The following TNS3 variants were observed in gnomAD, a reference collection of about 807,000 sequenced individuals.
TNS3 encodes the protein tensin 3.
Under a neutral mutation model 140.9 loss-of-function variants are expected in TNS3, and 45 were observed. That is an observed-to-expected ratio of 0.32 (90% CI 0.25 to 0.41). The LOEUF (loss-of-function observed/expected upper bound fraction) is 0.41. Among genes scored for constraint, TNS3 ranks in the 10% least tolerant of loss-of-function variants. TNS3 has a pLI of 1.00. For synonymous variants in TNS3, 815 were observed against 788.4 expected, an observed-to-expected ratio of 1.03 and a Z score of -0.56; for missense variants, 1,716 against 1,906.7, an observed-to-expected ratio of 0.90 and a Z score of 1.86.
chr7:47,491,128 T>C (rs1797798971), intron 3 of TNS3, among the ~76,000 whole-genome samples: 1 of 152,186 alleles, frequency 6.6e-6, no homozygotes, highest in Non-Finnish European at 1.5e-5. Context: ...CACTAGCCAG[T>C]GGGCAGAGAG....
At chr7:47,498,146 C>T (rs954655386) in intron 3 of TNS3, among the ~76,000 whole-genome samples, 8 of 152,192 alleles carry the variant, frequency 5.3e-5, no homozygotes, top group Admixed American at 1.3e-4. Context: ...TAGAACTGGT[C>T]AAAAGACACA....
intron 1 of TNS3, among the ~76,000 whole-genome samples, chr7:47,531,512 A>C (rs1008771989): frequency 7.2e-5 from 11 of 152,262 alleles, no homozygotes; most frequent in Admixed American, 7.2e-4. Context: ...GATGAAGAGC[A>C]CCAGAAATGC....
chr7:47,371,904 C>A (rs925169805), intron 16 of TNS3, among the ~76,000 whole-genome samples: 1 of 152,176 alleles, frequency 6.6e-6, no homozygotes, highest in African/African-American at 2.4e-5. Flanking sequence ...TCAGCTTCCC[C>A]GCTATAAAAT....
rs753163321 is a variant in TNS3, at chr7:47,303,128, G to A, written c.3279C>T (p.Pro1093=). 36 of 1,613,826 alleles carry A rather than the reference G, an allele frequency of 2.2e-5. No homozygotes were observed. The highest frequency in any genetic ancestry group is 2.0e-4 in the Admixed American group (12 of 60,008). Residue 1093 remains proline (P), a synonymous_variant, in exon 22 of 31, where the codon CCC becomes CCT. Coordinates refer to ENST00000311160, the MANE Select transcript of TNS3 (RefSeq NM_022748.12). ...TCTTCTCAGGGAGGGGTGGCTGCCCGGGCAGGGTCACACCCTGGCCCTGCA... is the reference window on the plus strand; with the variant it reads ...TCTTCTCAGGGAGGGGTGGCTGCCCAGGCAGGGTCACACCCTGGCCCTGCA... ...PGLQGQGVTL[P]GQPPLPEKKR...
At chr7:47,353,992 A>AACAC (rs10598998) in intron 17 of TNS3, among the ~76,000 whole-genome samples, 4,613 of 143,416 alleles carry the variant, frequency 0.032, 84 homozygotes, top group Admixed American at 0.058. Flanking sequence ...CAGAGGACAA[A>AACAC]ACACACACAC....
At chr7:47,418,970 C>G (rs1299659630) in intron 10 of TNS3, among the ~76,000 whole-genome samples, 3 of 152,268 alleles carry the variant, frequency 2.0e-5, no homozygotes, top group African/African-American at 7.2e-5. Flanking sequence ...CTCACAGAGT[C>G]AGCCATGGCT....
intron 1 of TNS3, among the ~76,000 whole-genome samples, chr7:47,558,162 C>T (rs1800246589): frequency 1.3e-5 from 2 of 152,074 alleles, no homozygotes; most frequent in South Asian, 2.1e-4. Context: ...TGAGGGAGCC[C>T]GATTCTAGCA....
At chr7:47,395,956 A>G (rs1206787812) in intron 16 of TNS3, among the ~76,000 whole-genome samples, 1 of 151,890 alleles carries the variant, frequency 6.6e-6, no homozygotes, top group African/African-American at 2.4e-5. Flanking sequence ...AACCACAGAC[A>G]CCCCCTTCCT....
In TNS3 at chr7:47,481,150, G is replaced by T. The variant is rs1218390009; in HGVS notation, c.-114-9C>A. Reference sequence around the variant, plus strand: ...CCGCAGGGAATCACCACCTTTCAAAGAGAGAAGAAACAGATAAGCAAATGG... The same window carrying T: ...CCGCAGGGAATCACCACCTTTCAAATAGAGAAGAAACAGATAAGCAAATGG... On this transcript the variant is annotated splice_polypyrimidine_tract_variant and intron_variant, in intron 3 of 30. Transcript: ENST00000311160. The T allele has an allele frequency of 2.3e-6, 3 of 1,289,728 alleles. No homozygotes were observed. Among genetic ancestry groups the T allele is most frequent in the Admixed American group, 4.6e-5 (2 of 43,554 alleles). 79.9% of individuals were successfully genotyped at this position (1,289,728 alleles called of 1,614,324 possible). A position where few individuals can be genotyped will look rare whatever the true frequency, so the allele number is the denominator to read the frequency against.
chr7:47,305,195 T>C (rs1786675713), intron 20 of TNS3, among the ~76,000 whole-genome samples, 192 bp from the exon 21 acceptor site: 1 of 152,230 alleles, frequency 6.6e-6, no homozygotes. Context: ...CCCACAAGCA[T>C]GGGTTTATTC....
At chr7:47,555,190 C>G (rs1368371096) in intron 1 of TNS3, among the ~76,000 whole-genome samples, 1 of 151,976 alleles carries the variant, frequency 6.6e-6, no homozygotes, top group African/African-American at 2.4e-5. Flanking sequence ...CACCTGAGGT[C>G]AGGAGTTCCA....
chr7:47,467,888 T>A (rs540362268), intron 4 of TNS3, among the ~76,000 whole-genome samples: 1 of 152,212 alleles, frequency 6.6e-6, no homozygotes, highest in Non-Finnish European at 1.5e-5. Flanking sequence ...TGGATGTAGG[T>A]TGGAGATGTT....
chr7:47,400,756 A>G, intron 14 of TNS3, 29 bp downstream of exon 14: 1 of 1,610,394 alleles, frequency 6.2e-7, no homozygotes, highest in Admixed American at 1.7e-5. Context: ...GCTGCCCACA[A>G]GCACAGGGCC....
chr7:47,495,813 A>C (rs1176692510), intron 3 of TNS3, among the ~76,000 whole-genome samples: 2 of 152,232 alleles, frequency 1.3e-5, no homozygotes, highest in Non-Finnish European at 2.9e-5. Context: ...TGGTGTCTAA[A>C]CATTGAAAGA....
At chr7:47,397,020 CCA>C in intron 15 of TNS3, 116 bp from the exon 16 acceptor site, 3 of 707,260 alleles carry the variant, frequency 4.2e-6, no homozygotes, top group Non-Finnish European at 7.5e-6. Context: ...AGAAGCCTCT[CCA>C]TCCTCCACCC....
chr7:47,470,498 C>T (rs1796905963), intron 4 of TNS3: 1 of 985,338 alleles, frequency 1.0e-6, no homozygotes, highest in African/African-American at 1.7e-5. Flanking sequence ...AGCATTCATT[C>T]ATTCGAAACA....
chr7:47,381,426 G>C (rs1234645950), intron 16 of TNS3, among the ~76,000 whole-genome samples: 1 of 152,178 alleles, frequency 6.6e-6, no homozygotes, highest in Non-Finnish European at 1.5e-5. Flanking sequence ...ACGTAGGTGG[G>C]CTTCAGACAG....
chr7:47,400,917 G>A lies in TNS3; in HGVS notation c.724-3C>T. 6.2e-7 allele frequency: 1 copy of A among 1,614,120 alleles called. No homozygotes were observed. Among genetic ancestry groups the A allele is most frequent in the Non-Finnish European group, 8.5e-7 (1 of 1,179,966 alleles). On this transcript the variant is annotated splice_region_variant and splice_polypyrimidine_tract_variant and intron_variant, in intron 13 of 30. Transcript: ENST00000311160. Reference sequence around the variant, plus strand: ...TATTTCTTGTGGTAGCATTTCACCTGGGTTAGAGAGACAAAACAAAACAAA... The same window carrying A: ...TATTTCTTGTGGTAGCATTTCACCTAGGTTAGAGAGACAAAACAAAACAAA...
At position 47,389,099 on chromosome 7, in the gene TNS3, G is replaced by A. The variant is rs1328755751; in HGVS notation, c.1024+7701C>T. Among the ~76,000 whole-genome samples, 156 of 44,174 alleles carry A rather than the reference G, an allele frequency of 3.5e-3. 37 individuals carry two copies. The highest frequency in any genetic ancestry group is 0.019 in the Admixed American group (59 of 3,174). The allele number at this position is 44,174 out of a possible 152,430, so 29.0% of individuals were successfully genotyped here. On this transcript the variant is annotated intron_variant, in intron 16 of 30. Coordinates refer to ENST00000311160, the MANE Select transcript of TNS3 (RefSeq NM_022748.12). ...AGAAGAAGAAGAGGAAGAGGAAGAG[G>A]AAGCGGAAGCAGAAGAAGAAGAAGA...
Sources: gnomAD v4.1 joint callset for allele counts (sites outside exome capture counted in the v4.1 genomes callset) on GRCh38, gnomAD v4.1.1 for gene constraint, MANE v1.5 for transcripts, NCBI Gene and HGNC (gene_info 2026-07-23, HGNC 2026-07-21) for gene names.